DYM: variants seen among roughly 807,000 people sequenced by gnomAD.
The protein encoded by DYM is dymeclin.
Under a neutral mutation model 93.1 loss-of-function variants are expected in DYM, and 78 were observed. That is an observed-to-expected ratio of 0.84 (90% confidence interval 0.70 to 1.01). The LOEUF (loss-of-function observed/expected upper bound fraction) is 1.01. Ranked by LOEUF, DYM falls within the 50% of genes least tolerant of loss-of-function variation. The pLI, the probability that DYM is intolerant of heterozygous loss-of-function variation, is 0.00. For synonymous variants in DYM, 321 were observed against 319.7 expected (o/e 1.00, Z -0.04); for missense variants, 789 against 845.0 (o/e 0.93, Z 0.82).
At chr18:49,441,276 T>TATA (rs1237629214) in intron 1 of DYM, among the ~76,000 whole-genome samples, 5 of 43,294 alleles carry the variant, frequency 1.2e-4, no homozygotes, top group East Asian at 9.2e-4. Flanking sequence ...ATAATATATA[T>TATA]TATATAATTA....
At chr18:49,107,305 G>A (rs867384907) in intron 16 of DYM, among the ~76,000 whole-genome samples, 3 of 152,222 alleles carry the variant, frequency 2.0e-5, no homozygotes, top group South Asian at 2.1e-4. Flanking sequence ...TTAGCCATTC[G>A]TCTAATTTTT....
intron 15 of DYM, among the ~76,000 whole-genome samples, chr18:49,132,621 A>T (rs1420784280): frequency 6.6e-6 from 1 of 152,168 alleles, no homozygotes; most frequent in Non-Finnish European, 1.5e-5. Flanking sequence ...CAGGGGTAAC[A>T]TAACTATAAT....
At position 49,036,700 on chromosome 18, in the gene DYM, C is replaced by A. The variant is rs1232457004; in HGVS notation, c.*7355G>T. On this transcript the variant is annotated 3_prime_UTR_variant, in exon 18 of 18. Transcript: ENST00000675505. ...TCCAGTAGCTGGGACTACAGGCACA[C>A]ACCACCATGCTCAGCTAATTTGTGT... Among the ~76,000 whole-genome samples, 1 of 150,150 alleles carries A rather than the reference C, an allele frequency of 6.7e-6. No individual in the cohort carries two copies. The highest frequency in any genetic ancestry group is 1.5e-5 in the Non-Finnish European group (1 of 67,708).
chr18:49,284,375 T>C (rs2095068554), intron 9 of DYM, among the ~76,000 whole-genome samples: 1 of 152,194 alleles, frequency 6.6e-6, no homozygotes, highest in Non-Finnish European at 1.5e-5. Flanking sequence ...TGGATATGAA[T>C]ACCCTTAAGC....
chr18:49,171,898 A>G (rs1408932421), intron 14 of DYM, among the ~76,000 whole-genome samples: 1 of 152,228 alleles, frequency 6.6e-6, no homozygotes, highest in Non-Finnish European at 1.5e-5. Context: ...CACAAATTTT[A>G]AGTAGACAGT....
At chr18:49,419,444 A>G (rs2073383484) in intron 2 of DYM, among the ~76,000 whole-genome samples, 1 of 152,204 alleles carries the variant, frequency 6.6e-6, no homozygotes. Flanking sequence ...ATAATAACTT[A>G]AACTGTGAGG....
chr18:49,205,612 A>T (rs1223124264), intron 14 of DYM, among the ~76,000 whole-genome samples: 2 of 152,186 alleles, frequency 1.3e-5, no homozygotes, highest in Admixed American at 6.5e-5. Flanking sequence ...AAGACTGCAT[A>T]ATCTAAAAAT....
At chr18:49,176,574 CT>C (rs36121103) in intron 14 of DYM, among the ~76,000 whole-genome samples, 5,165 of 99,428 alleles carry the variant, frequency 0.052, 170 homozygotes, top group African/African-American at 0.19. Context: ...CCAAGCCTGG[CT>C]TTTTTTTTTT....
intron 8 of DYM, among the ~76,000 whole-genome samples, chr18:49,299,449 C>T (rs911729125): frequency 3.3e-5 from 5 of 152,148 alleles, no homozygotes; most frequent in Non-Finnish European, 7.4e-5. Flanking sequence ...TATACCACCA[C>T]CAGAGACTCC....
At chr18:49,122,490 T>C (rs937102476) in intron 15 of DYM, among the ~76,000 whole-genome samples, 6 of 152,190 alleles carry the variant, frequency 3.9e-5, no homozygotes, top group African/African-American at 7.2e-5. Flanking sequence ...AGGAATCTAA[T>C]GCCTGATGAT....
chr18:49,046,700 GA>G (rs1204584246), intron 17 of DYM, among the ~76,000 whole-genome samples: 1 of 152,270 alleles, frequency 6.6e-6, no homozygotes, highest in African/African-American at 2.4e-5. Context: ...AGGAGTTAAA[GA>G]CCAGCCTGAG....
intron 8 of DYM, among the ~76,000 whole-genome samples, chr18:49,310,098 T>C (rs972892808): frequency 1.3e-5 from 2 of 152,224 alleles, no homozygotes; most frequent in African/African-American, 4.8e-5. Flanking sequence ...TTGGATATAC[T>C]ATGATTGTTT....
intron 10 of DYM, among the ~76,000 whole-genome samples, chr18:49,276,179 C>T (rs1359936826): frequency 1.3e-5 from 2 of 152,174 alleles, no homozygotes; most frequent in Non-Finnish European, 1.5e-5. Context: ...AGTGTTTTAC[C>T]ATTAAATATG....
At chr18:49,230,335 T>C (rs2093657997) in intron 13 of DYM, among the ~76,000 whole-genome samples, 1 of 152,188 alleles carries the variant, frequency 6.6e-6, no homozygotes, top group South Asian at 2.1e-4. Context: ...TCTAATGTCC[T>C]GTTCAAGCAC....
At chr18:49,127,515 G>T (rs1460070596) in intron 15 of DYM, among the ~76,000 whole-genome samples, 2 of 152,104 alleles carry the variant, frequency 1.3e-5, no homozygotes, top group African/African-American at 2.4e-5. Flanking sequence ...GTTTTGGGGG[G>T]ATTCCAAGAG....
At chr18:49,149,897 C>T (rs978568660) in intron 15 of DYM, among the ~76,000 whole-genome samples, 2 of 151,730 alleles carry the variant, frequency 1.3e-5, no homozygotes, top group African/African-American at 4.8e-5. Context: ...TTAGTAGAGA[C>T]GGGGTTTCAC....
intron 17 of DYM, among the ~76,000 whole-genome samples, chr18:49,077,132 G>C (rs1397700116): frequency 1.3e-5 from 2 of 152,158 alleles, no homozygotes; most frequent in African/African-American, 4.8e-5. Flanking sequence ...TTCTTGAGAT[G>C]ATCACAAGAT....
chr18:49,408,059 A>G (rs1313252924), intron 2 of DYM, among the ~76,000 whole-genome samples: 1 of 91,400 alleles, frequency 1.1e-5, no homozygotes, highest in Non-Finnish European at 2.5e-5. Flanking sequence ...GCAAGACCTC[A>G]TCTCAAAAAA....
intron 2 of DYM, among the ~76,000 whole-genome samples, chr18:49,395,006 T>C (rs2069866555): frequency 6.6e-6 from 1 of 151,358 alleles, no homozygotes; most frequent in Admixed American, 6.6e-5. Flanking sequence ...AAATACAGAC[T>C]TAAATGTACT....
Sources: gnomAD v4.1 joint callset for allele counts (sites outside exome capture counted in the v4.1 genomes callset) on GRCh38, gnomAD v4.1.1 for gene constraint, MANE v1.5 for transcripts, NCBI Gene and HGNC (gene_info 2026-07-23, HGNC 2026-07-21) for gene names.